Variants in SMG7 observed in about 807,000 individuals in gnomAD.
The protein encoded by SMG7 is SMG7 nonsense mediated mRNA decay factor, also known as nonsense-mediated mRNA decay factor SMG7.
Under a neutral mutation model 148.2 loss-of-function variants are expected in SMG7, and 34 were observed. The ratio of observed to expected loss-of-function variants is 0.23; its 90% CI spans 0.17 to 0.31. The LOEUF is 0.31. Among genes scored for constraint, SMG7 ranks in the 10% least tolerant of loss-of-function variants. SMG7 has a pLI of 1.00. For missense variants in SMG7, 1,114 were observed against 1,408.4 expected, an observed-to-expected ratio of 0.79 and a Z score of 3.35; for synonymous variants, 492 against 515.1, an observed-to-expected ratio of 0.96 and a Z score of 0.61.
chr1:183,516,119 C>G, intron 3 of SMG7, 128 bp downstream of exon 3: 2 of 649,702 alleles, frequency 3.1e-6, no homozygotes, highest in South Asian at 3.8e-5. Context: ...GAAAGTAATT[C>G]TAGTATTTGT....
At chr1:183,521,408 A>T (rs760561686) in intron 4 of SMG7, among the ~76,000 whole-genome samples, 13 of 152,106 alleles carry the variant, frequency 8.5e-5, no homozygotes, top group Non-Finnish European at 1.8e-4. Context: ...CCTCACTTGC[A>T]TTTTTATATT....
intron 6 of SMG7, among the ~76,000 whole-genome samples, 165 bp downstream of exon 6, chr1:183,528,192 AT>A (rs898649370): frequency 2.6e-5 from 4 of 151,936 alleles, no homozygotes; most frequent in Non-Finnish European, 4.4e-5. Flanking sequence ...ACTAAAATGA[AT>A]TTTTTTTACA....
At chr1:183,511,532 A>T (rs1190839572) in intron 1 of SMG7, among the ~76,000 whole-genome samples, 1 of 152,238 alleles carries the variant, frequency 6.6e-6, no homozygotes, top group Non-Finnish European at 1.5e-5. Flanking sequence ...AGTCCAGTCC[A>T]GAAGTCCAGA....
intron 8 of SMG7, among the ~76,000 whole-genome samples, chr1:183,530,334 G>A (rs1666636535): frequency 6.6e-6 from 1 of 152,132 alleles, no homozygotes; most frequent in South Asian, 2.1e-4. Flanking sequence ...AACTTGGACA[G>A]TTAAGGTGTC....
At chr1:183,479,388 G>A (rs934288389) in intron 1 of SMG7, among the ~76,000 whole-genome samples, 10 of 152,118 alleles carry the variant, frequency 6.6e-5, no homozygotes, top group South Asian at 2.1e-4. Context: ...CCTTGCAATC[G>A]TGACAATAAA....
At chr1:183,530,488 A>G (rs1666663942) in intron 8 of SMG7, among the ~76,000 whole-genome samples, 1 of 152,128 alleles carries the variant, frequency 6.6e-6, no homozygotes, top group Non-Finnish European at 1.5e-5. Context: ...CCTGTGACAT[A>G]TGATGTATAA....
chr1:183,478,653 A>T (rs1456748238), intron 1 of SMG7, among the ~76,000 whole-genome samples: 1 of 152,168 alleles, frequency 6.6e-6, no homozygotes, highest in African/African-American at 2.4e-5. Context: ...TGCAAGTTTC[A>T]TGAGGCAGTT....
chr1:183,485,341 G>T (rs748641706), intron 1 of SMG7, among the ~76,000 whole-genome samples: 28 of 152,240 alleles, frequency 1.8e-4, no homozygotes, highest in South Asian at 4.1e-4. Context: ...CTTCTCATCA[G>T]TGTCAACCTT....
intron 11 of SMG7, among the ~76,000 whole-genome samples, chr1:183,537,974 A>G (rs1334833481): frequency 1.3e-5 from 2 of 152,178 alleles, no homozygotes; most frequent in African/African-American, 2.4e-5. Flanking sequence ...AATACAGTTT[A>G]TGATTCAGTA....
intron 1 of SMG7, among the ~76,000 whole-genome samples, chr1:183,492,016 T>C (rs1198708220): frequency 6.6e-6 from 1 of 152,220 alleles, no homozygotes; most frequent in East Asian, 1.9e-4. Flanking sequence ...AGAGTCCTCA[T>C]AGTCTGATCA....
intron 12 of SMG7, among the ~76,000 whole-genome samples, chr1:183,538,827 A>T (rs1003394599): frequency 6.6e-6 from 1 of 152,104 alleles, no homozygotes; most frequent in African/African-American, 2.4e-5. Context: ...AGGTAAAATG[A>T]ATTTACATCC....
chr1:183,538,512 G>C, intron 12 of SMG7, 72 bp downstream of exon 12: 2 of 1,004,030 alleles, frequency 2.0e-6, no homozygotes, highest in Non-Finnish European at 3.2e-6. Context: ...AATTGGGCTT[G>C]GATGTAGAGG....
chr1:183,505,814 T>C (rs1263498081), intron 1 of SMG7, among the ~76,000 whole-genome samples: 2 of 152,242 alleles, frequency 1.3e-5, no homozygotes, highest in Non-Finnish European at 2.9e-5. Context: ...TATCTTCCTT[T>C]CTTTTGGCTT....
chr1:183,537,414 T>C (rs1667988364), intron 11 of SMG7, among the ~76,000 whole-genome samples, 199 bp downstream of exon 11: 1 of 152,212 alleles, frequency 6.6e-6, no homozygotes, highest in Non-Finnish European at 1.5e-5. Context: ...TATTCTCATT[T>C]AGCATCATTC....
At chr1:183,507,674 A>G (rs1661230624) in intron 1 of SMG7, among the ~76,000 whole-genome samples, 1 of 152,184 alleles carries the variant, frequency 6.6e-6, no homozygotes, top group South Asian at 2.1e-4. Flanking sequence ...TATAATATCT[A>G]TATGTATTCT....
chr1:183,549,620 TG>T lies in SMG7; in HGVS notation c.2974-143del. 1.3e-5 allele frequency: 9 copies of T among 699,690 alleles called. No homozygotes were observed. In the South Asian group the frequency reaches 1.7e-4, roughly 14 times the overall value. 43.3% of individuals were successfully genotyped at this position (699,690 alleles called of 1,614,324 possible). A position where few individuals can be genotyped will look rare whatever the true frequency, so the allele number is the denominator to read the frequency against. On this transcript the variant is annotated intron_variant, in intron 19 of 22. Transcript: ENST00000688051. ...AGGAAAATTAATTTGACTGGAAAATTGAAACAAAAAGAAATAAAAGCCTTCA... is the reference window on the plus strand; with the variant it reads ...AGGAAAATTAATTTGACTGGAAAATTAAACAAAAAGAAATAAAAGCCTTCA...
At chr1:183,530,177 CTG>C (rs1666612543) in intron 8 of SMG7, among the ~76,000 whole-genome samples, 1 of 152,056 alleles carries the variant, frequency 6.6e-6, no homozygotes, top group East Asian at 1.9e-4. Context: ...GTTTTAGGCA[CTG>C]TGTTAAACAG....
At chr1:183,539,871 GTTC>G (rs1668485660) in intron 12 of SMG7, among the ~76,000 whole-genome samples, 1 of 152,114 alleles carries the variant, frequency 6.6e-6, no homozygotes, top group African/African-American at 2.4e-5. Context: ...CCTACGTATA[GTTC>G]TTCTCCTCCT....
intron 8 of SMG7, among the ~76,000 whole-genome samples, chr1:183,531,086 T>G (rs1405202475): frequency 2.0e-5 from 3 of 152,110 alleles, no homozygotes; most frequent in Non-Finnish European, 4.4e-5. Flanking sequence ...ATGAGGCAGA[T>G]CTATTTGAAA....
Sources: allele counts gnomAD v4.1 joint callset (sites outside exome capture counted in the v4.1 genomes callset), GRCh38; gene constraint gnomAD v4.1.1; transcripts MANE v1.5; gene names NCBI Gene and HGNC (gene_info 2026-07-23, HGNC 2026-07-21).